MYO18B: variants seen among roughly 807,000 people sequenced by gnomAD.
MYO18B encodes the protein unconventional myosin-XVIIIb.
A neutral mutation model predicts 273.0 loss-of-function variants in MYO18B; 204 were observed. The observed-to-expected ratio is 0.75, with a 90% CI of 0.67 to 0.84. The LOEUF (loss-of-function observed/expected upper bound fraction) is 0.84, where lower values mean the gene tolerates loss of function less well. Among genes scored for constraint, MYO18B ranks in the 40% least tolerant of loss-of-function variants. The probability of loss-of-function intolerance (pLI) is 0.00; values close to 1 mark genes in which losing one functional copy is unlikely to be tolerated. For synonymous variants in MYO18B, 1,330 were observed against 1,305.7 expected (o/e 1.02, Z -0.40); for missense variants, 3,212 against 3,287.6 (o/e 0.98, Z 0.56).
At chr22:25,769,990 C>A in intron 4 of MYO18B, 120 bp from the exon 5 acceptor site, 1 of 1,012,474 alleles carries the variant, frequency 9.9e-7, no homozygotes, top group Non-Finnish European at 1.6e-6. Context: ...CTCTCCTGTT[C>A]TCCCCCAGGA....
chr22:25,772,903 C>T (rs1362873156), intron 7 of MYO18B, among the ~76,000 whole-genome samples: 2 of 152,150 alleles, frequency 1.3e-5, no homozygotes, highest in Admixed American at 6.5e-5. Flanking sequence ...CTGGGCCAGG[C>T]GCAGGCTAAA....
chr22:26,015,258 A>G (rs1935224068), intron 42 of MYO18B, among the ~76,000 whole-genome samples: 1 of 152,226 alleles, frequency 6.6e-6, no homozygotes, highest in East Asian at 1.9e-4. Context: ...CTTAGAGACC[A>G]AAAGCAGAAA....
intron 22 of MYO18B, 123 bp downstream of exon 22, chr22:25,868,508 T>C (rs1383849398): frequency 1.3e-6 from 1 of 784,236 alleles, no homozygotes; most frequent in Non-Finnish European, 2.0e-6. Flanking sequence ...AAACTGAAGG[T>C]AGAGCTAATG....
intron 29 of MYO18B, chr22:25,899,141 C>G (rs2091877836): frequency 6.6e-6 from 1 of 152,270 alleles, no homozygotes; most frequent in African/African-American, 2.4e-5. Flanking sequence ...GTGTGGTTCC[C>G]ATATTTGCAT....
chr22:25,963,531 G>A (rs1262635011), intron 39 of MYO18B, among the ~76,000 whole-genome samples: 1 of 146,178 alleles, frequency 6.8e-6, no homozygotes, highest in Non-Finnish European at 1.5e-5. Context: ...TTGAATTCAG[G>A]GCCCACCTTA....
intron 40 of MYO18B, among the ~76,000 whole-genome samples, chr22:25,999,548 C>T (rs1320534233): frequency 1.0e-4 from 4 of 38,700 alleles, no homozygotes; most frequent in Non-Finnish European, 2.1e-4. Context: ...CCTCTTCCCC[C>T]TCCCCCTCTT....
intron 25 of MYO18B, 30 bp from the exon 26 acceptor site, chr22:25,890,726 G>C: frequency 1.9e-6 from 3 of 1,612,494 alleles, no homozygotes; most frequent in Non-Finnish European, 2.5e-6. Flanking sequence ...TCGAGTGACC[G>C]TTCCTTGATC....
In MYO18B at chr22:25,798,031, G is replaced by A. The variant is rs779264183; in HGVS notation, c.2455G>A (p.Glu819Lys). The A allele has an allele frequency of 5.0e-6, 8 of 1,613,292 alleles. No individual in the cohort carries two copies. The highest frequency in any genetic ancestry group is 3.3e-5 in the South Asian group (3 of 91,060). The change falls in exon 12 of 44, where the codon GAG becomes AAG. Residue 819 changes from glutamate (E) to lysine (K), a missense_variant. Coordinates refer to ENST00000335473, the MANE Select transcript of MYO18B (RefSeq NM_032608.7). Reference sequence around the variant, plus strand: ...GGAGATGCTCGGCATCTCAGAGAGCGAGCAGCGGGCTGTTTGGCGGGTCCT... The same window carrying A: ...GGAGATGCTCGGCATCTCAGAGAGCAAGCAGCGGGCTGTTTGGCGGGTCCT... ...AMEMLGISES[E>K]QRAVWRVLAA... is the part of the protein sequence containing the mutation.
intron 1 of MYO18B, among the ~76,000 whole-genome samples, chr22:25,756,069 T>A (rs187762139): frequency 3.3e-5 from 5 of 152,190 alleles, no homozygotes; most frequent in African/African-American, 1.2e-4. Flanking sequence ...AGCTAATTTT[T>A]TGTATTTTTA....
intron 36 of MYO18B, 143 bp downstream of exon 36, chr22:25,947,971 C>T: frequency 3.0e-6 from 2 of 659,198 alleles, no homozygotes; most frequent in Admixed American, 4.5e-5. Context: ...AGGAATTGTG[C>T]ATTTCCTGTG....
At chr22:26,061,338 C>A in the MYO18B span, among the ~76,000 whole-genome samples, 1 of 152,264 alleles carries the variant, frequency 6.6e-6, no homozygotes, top group East Asian at 1.9e-4. Flanking sequence ...GGTCCAGGTC[C>A]TGACCCTGAA....
intron 27 of MYO18B, among the ~76,000 whole-genome samples, chr22:25,893,954 T>G (rs945065016): frequency 1.3e-5 from 2 of 152,170 alleles, no homozygotes; most frequent in African/African-American, 4.8e-5. Flanking sequence ...CATCCATCCA[T>G]TATTCCACCT....
intron 9 of MYO18B, among the ~76,000 whole-genome samples, chr22:25,781,347 C>T (rs945534846): frequency 2.0e-5 from 3 of 152,134 alleles, no homozygotes; most frequent in Non-Finnish European, 4.4e-5. Context: ...TGGTGGCTCA[C>T]GCCTGTAATC....
intron 11 of MYO18B, among the ~76,000 whole-genome samples, chr22:25,787,272 G>GCACACA (rs10598069): frequency 1.3e-3 from 177 of 136,712 alleles, no homozygotes; most frequent in African/African-American, 4.4e-3. Flanking sequence ...GCAGGCGCGC[G>GCACACA]CACACACACA....
At chr22:25,902,808 G>C in intron 30 of MYO18B, 72 bp downstream of exon 30, 1 of 1,485,778 alleles carries the variant, frequency 6.7e-7, no homozygotes, top group East Asian at 2.5e-5. Flanking sequence ...TCGTGCACCT[G>C]CTGCAAATGG....
Sources: allele counts gnomAD v4.1 joint callset (sites outside exome capture counted in the v4.1 genomes callset), GRCh38; gene constraint gnomAD v4.1.1; transcripts MANE v1.5; gene names NCBI Gene and HGNC (gene_info 2026-07-23, HGNC 2026-07-21).